The following LRMDA variants were observed in gnomAD, a reference collection of about 807,000 sequenced individuals.
The protein encoded by LRMDA is leucine rich melanocyte differentiation associated, also known as leucine-rich melanocyte differentiation-associated protein.
In LRMDA, 18 loss-of-function variants were observed where a neutral mutation model predicts 29.8. The observed-to-expected ratio is 0.60, with a 90% CI of 0.42 to 0.90. LRMDA has a LOEUF of 0.90. Ranked by LOEUF, LRMDA falls within the 40% of genes least tolerant of loss-of-function variation. The pLI is 0.00. For missense variants in LRMDA, 273 were observed against 273.9 expected (o/e 1.00, Z 0.02); for synonymous variants, 125 against 109.4 (o/e 1.14, Z -0.89).
At chr10:76,412,126 G>A (rs1385655063) in intron 6 of LRMDA, among the ~76,000 whole-genome samples, 1 of 152,274 alleles carries the variant, frequency 6.6e-6, no homozygotes, top group Non-Finnish European at 1.5e-5. Context: ...CTGGAGGCTT[G>A]GAATTAAAAA....
intron 5 of LRMDA, among the ~76,000 whole-genome samples, chr10:76,176,632 A>G (rs923927752): frequency 2.0e-5 from 3 of 152,120 alleles, no homozygotes; most frequent in African/African-American, 7.2e-5. Flanking sequence ...CGTCTCTACT[A>G]AAAATACAAA....
intron 2 of LRMDA, among the ~76,000 whole-genome samples, chr10:75,960,373 C>A (rs1280118759): frequency 2.0e-5 from 3 of 146,954 alleles, no homozygotes; most frequent in Non-Finnish European, 4.6e-5. Context: ...CAACAAAAAA[C>A]CCACAAATGG....
At chr10:75,669,686 T>C (rs569504157) in intron 2 of LRMDA, among the ~76,000 whole-genome samples, 1 of 152,342 alleles carries the variant, frequency 6.6e-6, no homozygotes, top group East Asian at 1.9e-4. Flanking sequence ...TTGCTATCTC[T>C]TAAACTTGGC....
chr10:76,504,798 A>C (rs1030222328), intron 6 of LRMDA, among the ~76,000 whole-genome samples: 6 of 152,036 alleles, frequency 3.9e-5, no homozygotes, highest in Non-Finnish European at 5.9e-5. Context: ...GACTGTTTAC[A>C]TTCAGGGTTA....
chr10:75,675,549 G>A lies in LRMDA; in HGVS notation c.131+237055G>A, dbSNP rs1221820856. Among the ~76,000 whole-genome samples the A allele has an allele frequency of 2.0e-5, 3 of 152,158 alleles. No individual in the cohort carries two copies. The East Asian group carries it at 5.8e-4, about 29-fold the overall frequency. On this transcript the variant is annotated intron_variant, in intron 2 of 6. Coordinates refer to ENST00000611255, the MANE Select transcript of LRMDA (RefSeq NM_001305581.2). The stretch of plus-strand genomic sequence containing the variant: ...AGTCTTACAGATTTAATTTCCAGAG[G>A]CAGCATGGGGTGATTATACGAAGCT...
chr10:76,227,045 G>T (rs115967130), intron 5 of LRMDA, among the ~76,000 whole-genome samples: 1,559 of 152,304 alleles, frequency 0.01, 27 homozygotes, highest in African/African-American at 0.031. Flanking sequence ...GCCTGTCAAA[G>T]TGCCTCTACC....
chr10:76,513,402 A>C (rs2637247), intron 6 of LRMDA, among the ~76,000 whole-genome samples: 57,821 of 151,864 alleles, frequency 0.38, 11,733 homozygotes, highest in Middle Eastern at 0.54. Flanking sequence ...CCCACCACTC[A>C]CTTTTATTTA....
intron 2 of LRMDA, among the ~76,000 whole-genome samples, chr10:75,618,950 T>G (rs1841146028): frequency 6.6e-6 from 1 of 151,864 alleles, no homozygotes; most frequent in South Asian, 2.1e-4. Context: ...TCCTGGCTAA[T>G]TTTTTATTTT....
intron 6 of LRMDA, among the ~76,000 whole-genome samples, chr10:76,327,012 A>G (rs1840842429): frequency 6.6e-6 from 1 of 151,782 alleles, no homozygotes; most frequent in Non-Finnish European, 1.5e-5. Context: ...TCTACTTTGT[A>G]TGATAGAGGT....
At chr10:75,883,040 G>A (rs893022788) in intron 2 of LRMDA, among the ~76,000 whole-genome samples, 2 of 152,150 alleles carry the variant, frequency 1.3e-5, no homozygotes, top group Non-Finnish European at 2.9e-5. Context: ...ACAACCCATG[G>A]ACCGAGGCCT....
intron 6 of LRMDA, among the ~76,000 whole-genome samples, chr10:76,504,656 G>C (rs1352336331): frequency 2.0e-5 from 3 of 151,870 alleles, no homozygotes; most frequent in Non-Finnish European, 4.4e-5. Flanking sequence ...CTTCCTGTTT[G>C]CACGGTAGAT....
chr10:76,077,264 CCAGA>C (rs1410116723), intron 5 of LRMDA, among the ~76,000 whole-genome samples: 2 of 152,168 alleles, frequency 1.3e-5, no homozygotes, highest in Non-Finnish European at 2.9e-5. Flanking sequence ...GTGATGGCGA[CCAGA>C]CAGTCTTTTA....
At chr10:76,411,003 G>C (rs1841955405) in intron 6 of LRMDA, among the ~76,000 whole-genome samples, 1 of 152,070 alleles carries the variant, frequency 6.6e-6, no homozygotes, top group Non-Finnish European at 1.5e-5. Flanking sequence ...GATATATGCA[G>C]GGAGACCATA....
chr10:75,903,674 C>T (rs2132368433), intron 2 of LRMDA, among the ~76,000 whole-genome samples: 1 of 152,308 alleles, frequency 6.6e-6, no homozygotes, highest in African/African-American at 2.4e-5. Flanking sequence ...TCAGTGCGAT[C>T]ACTAGGAGTC....
chr10:75,922,308 A>G (rs781518408), intron 2 of LRMDA, among the ~76,000 whole-genome samples: 1 of 152,246 alleles, frequency 6.6e-6, no homozygotes, highest in Non-Finnish European at 1.5e-5. Flanking sequence ...CAGGCATGAC[A>G]GCATGAGTTT....
intron 2 of LRMDA, among the ~76,000 whole-genome samples, chr10:75,633,363 T>A (rs985981871): frequency 6.6e-6 from 1 of 152,302 alleles, no homozygotes; most frequent in Admixed American, 6.5e-5. Context: ...AGAAGCTGAG[T>A]TTAAACATCC....
Position 75,987,550 on chromosome 10 carries a change from G to A in LRMDA, c.132-48458G>A, listed in dbSNP as rs79624758. 5.9e-3 allele frequency among the ~76,000 whole-genome samples: 896 copies of A among 152,312 alleles called. 41 individuals carry two copies. The East Asian group carries it at 0.13, about 22-fold the overall frequency. The stretch of plus-strand genomic sequence containing the variant: ...GTAGCAATAGTTGTGAAGGTCGTGT[G>A]GATGACCAGATTTGAATCCTGTATT... On this transcript the variant is annotated intron_variant, in intron 2 of 6. Transcript: ENST00000611255.
chr10:76,074,772 C>T (rs937279278), intron 5 of LRMDA, among the ~76,000 whole-genome samples: 2 of 152,058 alleles, frequency 1.3e-5, no homozygotes, highest in African/African-American at 4.8e-5. Context: ...TTCATTGACC[C>T]TTGATGTGTT....
At chr10:75,669,942 C>T (rs888581364) in intron 2 of LRMDA, among the ~76,000 whole-genome samples, 2 of 152,152 alleles carry the variant, frequency 1.3e-5, no homozygotes, top group African/African-American at 2.4e-5. Context: ...ATGAGAAGTA[C>T]ACTTAAGGCC....
Sources: gnomAD v4.1 joint callset for allele counts (sites outside exome capture counted in the v4.1 genomes callset) on GRCh38, gnomAD v4.1.1 for gene constraint, MANE v1.5 for transcripts, NCBI Gene and HGNC (gene_info 2026-07-23, HGNC 2026-07-21) for gene names.